Variants in TAOK3 observed in about 807,000 individuals in gnomAD.
The protein encoded by TAOK3 is TAO kinase 3.
In TAOK3, 40 loss-of-function variants were observed where a neutral mutation model predicts 120.4. The ratio of observed to expected loss-of-function variants is 0.33; its 90% CI spans 0.26 to 0.43. The LOEUF is 0.43. TAOK3 is among the 20% of genes least tolerant of loss of function. TAOK3 has a pLI of 1.00. For missense variants in TAOK3, 821 were observed against 1,112.1 expected, an observed-to-expected ratio of 0.74 and a Z score of 3.72; for synonymous variants, 355 against 387.5, an observed-to-expected ratio of 0.92 and a Z score of 0.99.
In TAOK3 at chr12:118,239,263, C is replaced by T; in HGVS notation, c.304G>A (p.Glu102Lys). The T allele has an allele frequency of 6.5e-7, 1 of 1,534,214 alleles. No individual in the cohort carries two copies. The highest frequency in any genetic ancestry group is 9.0e-7 in the Non-Finnish European group (1 of 1,108,832). The change falls in exon 6 of 21, where the codon GAA becomes AAA. Residue 102 changes from glutamate (E) to lysine (K), a missense_variant. Glu to Lys is a moderately conservative substitution (Grantham distance 56). Transcript: ENST00000392533. ...TCAGAGGCTGAGCCTAAGCAATATT[C>T]CATCACCAACTATAAGAGATTAAAA... is the stretch of plus-strand genomic sequence containing the variant. ...LKEHTAWLVM[E>K]YCLGSASDLL...
At chr12:118,359,023 T>C (rs1008997993) in intron 1 of TAOK3, 3 of 152,198 alleles carry the variant, frequency 2.0e-5, no homozygotes, top group African/African-American at 4.8e-5. Flanking sequence ...TCCCCAGAGA[T>C]GGCTTCATTT....
intron 9 of TAOK3, among the ~76,000 whole-genome samples, chr12:118,226,806 TC>T (rs2039530481): frequency 6.6e-6 from 1 of 152,194 alleles, no homozygotes. Flanking sequence ...ATATTTCAAT[TC>T]ATTTTTATAA....
intron 9 of TAOK3, among the ~76,000 whole-genome samples, chr12:118,226,194 T>C (rs1269649150): frequency 6.6e-6 from 1 of 152,160 alleles, no homozygotes; most frequent in Non-Finnish European, 1.5e-5. Context: ...GCTAACATGG[T>C]GAAACCCCGT....
At chr12:118,331,815 A>G (rs1182778192) in intron 1 of TAOK3, among the ~76,000 whole-genome samples, 3 of 151,822 alleles carry the variant, frequency 2.0e-5, no homozygotes, top group African/African-American at 7.3e-5. Context: ...TTATCACATT[A>G]CAAATACATG....
At chr12:118,242,595 C>T (rs1352758863) in intron 5 of TAOK3, among the ~76,000 whole-genome samples, 2 of 152,170 alleles carry the variant, frequency 1.3e-5, no homozygotes, top group Admixed American at 1.3e-4. Flanking sequence ...CACAATGGCT[C>T]ATGCCTGTAA....
chr12:118,305,202 C>T (rs376016121), intron 1 of TAOK3, among the ~76,000 whole-genome samples: 1 of 152,100 alleles, frequency 6.6e-6, no homozygotes, highest in African/African-American at 2.4e-5. Context: ...CTTAACCCGC[C>T]GGGTTTGGTG....
intron 20 of TAOK3, 131 bp from the exon 21 acceptor site, chr12:118,151,289 G>GCGCACA (rs1214641528): frequency 1.1e-4 from 27 of 253,126 alleles, no homozygotes; most frequent in African/African-American, 8.5e-4. Flanking sequence ...GCGCGCGCGC[G>GCGCACA]CACACACACA....
In TAOK3 at chr12:118,238,635, AT is replaced by A. The variant is rs72180783; in HGVS notation, c.341-467del. Among the ~76,000 whole-genome samples, 911 of 143,992 alleles carry A rather than the reference AT, an allele frequency of 6.3e-3. 4 individuals carry two copies. Among genetic ancestry groups the A allele is most frequent in the African/African-American group, 0.016 (626 of 39,110 alleles). 94.5% of individuals were successfully genotyped at this position (143,992 alleles called of 152,430 possible). On this transcript the variant is annotated intron_variant, in intron 6 of 20. Coordinates refer to ENST00000392533, the MANE Select transcript of TAOK3 (RefSeq NM_016281.4). Reference sequence around the variant, plus strand: ...CTATTCAGAGATCAACAGTGATTTAATTTTTTTTTTTTTTTTGAGACAGGGG... The same window carrying A: ...CTATTCAGAGATCAACAGTGATTTAATTTTTTTTTTTTTTTGAGACAGGGG...
chr12:118,163,762 A>G (rs1431025875), intron 17 of TAOK3, among the ~76,000 whole-genome samples: 2 of 152,024 alleles, frequency 1.3e-5, no homozygotes, highest in African/African-American at 4.8e-5. Flanking sequence ...AGTGCAATGG[A>G]GTGCAATGGT....
At chr12:118,281,520 C>A (rs2042099641) in intron 1 of TAOK3, among the ~76,000 whole-genome samples, 1 of 152,180 alleles carries the variant, frequency 6.6e-6, no homozygotes, top group Non-Finnish European at 1.5e-5. Context: ...TGTGGTGGCT[C>A]ATGCCTCTAA....
intron 1 of TAOK3, among the ~76,000 whole-genome samples, chr12:118,346,760 C>G (rs956018674): frequency 3.3e-5 from 5 of 152,162 alleles, no homozygotes; most frequent in African/African-American, 1.2e-4. Context: ...AACATTTATA[C>G]AGAATGGAAA....
At chr12:118,332,323 T>C (rs2044186879) in intron 1 of TAOK3, among the ~76,000 whole-genome samples, 1 of 152,196 alleles carries the variant, frequency 6.6e-6, no homozygotes, top group Non-Finnish European at 1.5e-5. Flanking sequence ...TACATTATTT[T>C]TTTGTACTTA....
rs766414860 is a variant in TAOK3, at chr12:118,189,792, G to C, written c.1329+15C>G. On this transcript the variant is annotated intron_variant, in intron 14 of 20. Coordinates refer to ENST00000392533, the MANE Select transcript of TAOK3 (RefSeq NM_016281.4). ...GGGGAAGGAAGGGAAGGTGGGTAGA[G>C]GGGTGTTTGCTTACCAAAGATGCTG... 1.9e-6 allele frequency: 3 copies of C among 1,614,082 alleles called. No individual in the cohort carries two copies. Among genetic ancestry groups the C allele is most frequent in the South Asian group, 1.1e-5 (1 of 91,076 alleles).
chr12:118,179,355 G>A lies in TAOK3; in HGVS notation c.1566+2016C>T, dbSNP rs531377637. On this transcript the variant is annotated intron_variant, in intron 15 of 20. Coordinates refer to ENST00000392533, the MANE Select transcript of TAOK3 (RefSeq NM_016281.4). ...TGGGGGTGGCAGGAAAGGTGACTCA[G>A]TTTTAGCACTGCTTGAGCAGGCAGA... 3.5e-4 allele frequency among the ~76,000 whole-genome samples: 54 copies of A among 152,324 alleles called. No homozygotes were observed. In the South Asian group the frequency reaches 0.011, roughly 32 times the overall value.
intron 1 of TAOK3, among the ~76,000 whole-genome samples, chr12:118,272,926 A>C (rs61945221): frequency 0.1 from 15,311 of 151,974 alleles, 959 homozygotes; most frequent in Non-Finnish European, 0.14. Flanking sequence ...TAGTGAGCCG[A>C]GATTGTGCCA....
At chr12:118,362,594 G>C (rs1167419548) in intron 1 of TAOK3, among the ~76,000 whole-genome samples, 2 of 152,148 alleles carry the variant, frequency 1.3e-5, no homozygotes, top group Non-Finnish European at 2.9e-5. Context: ...AGATCACACA[G>C]TAAGAAAAAT....
chr12:118,290,778 C>A (rs1041749539), intron 1 of TAOK3, among the ~76,000 whole-genome samples: 3 of 152,126 alleles, frequency 2.0e-5, no homozygotes, highest in Non-Finnish European at 4.4e-5. Context: ...GTTGGCCAGG[C>A]TGGAGGAATC....
intron 1 of TAOK3, among the ~76,000 whole-genome samples, chr12:118,299,287 T>G (rs1593457128): frequency 6.6e-6 from 1 of 152,298 alleles, no homozygotes; most frequent in South Asian, 2.1e-4. Flanking sequence ...TATAAACTTC[T>G]CTCAATTTCA....
chr12:118,323,633 C>A (rs1022897462), intron 1 of TAOK3, among the ~76,000 whole-genome samples: 3 of 151,996 alleles, frequency 2.0e-5, no homozygotes, highest in African/African-American at 7.3e-5. Flanking sequence ...CAGTTTAGTA[C>A]TCAAATAGAA....
Sources: gnomAD v4.1 joint callset for allele counts (sites outside exome capture counted in the v4.1 genomes callset) on GRCh38, gnomAD v4.1.1 for gene constraint, MANE v1.5 for transcripts, NCBI Gene and HGNC (gene_info 2026-07-23, HGNC 2026-07-21) for gene names.